Variants in PTPRN2 observed in about 807,000 individuals in gnomAD.
PTPRN2 encodes receptor-type tyrosine-protein phosphatase N2.
A neutral mutation model predicts 118.8 loss-of-function variants in PTPRN2; 74 were observed. The observed-to-expected ratio is 0.62, with a 90% CI of 0.52 to 0.76. The LOEUF (loss-of-function observed/expected upper bound fraction) is 0.76, where lower values mean the gene tolerates loss of function less well. PTPRN2 is among the 30% of genes least tolerant of loss of function. The pLI is 0.00. For synonymous variants in PTPRN2, 641 were observed against 608.0 expected, an observed-to-expected ratio of 1.05 and a Z score of -0.80; for missense variants, 1,481 against 1,394.4, an observed-to-expected ratio of 1.06 and a Z score of -0.99.
intron 3 of PTPRN2, among the ~76,000 whole-genome samples, chr7:158,261,656 C>T (rs1025788476): frequency 6.6e-6 from 1 of 152,112 alleles, no homozygotes; most frequent in African/African-American, 2.4e-5. Flanking sequence ...GCAGGGTGCA[C>T]TCCGGGACCG....
intron 14 of PTPRN2, among the ~76,000 whole-genome samples, chr7:157,653,724 G>T (rs2150731808): frequency 6.6e-6 from 1 of 152,184 alleles, no homozygotes; most frequent in African/African-American, 2.4e-5. Context: ...AATCAGAACT[G>T]CTGAGTGAGA....
chr7:157,549,160 G>T (rs1798470704), intron 21 of PTPRN2, 141 bp from the exon 22 acceptor site: 1 of 783,820 alleles, frequency 1.3e-6, no homozygotes, highest in African/African-American at 1.7e-5. Context: ...CGGCTGGCAG[G>T]CGGCTGCAAT....
chr7:157,950,552 C>T lies in PTPRN2; in HGVS notation c.1724-51815G>A, dbSNP rs567882386. ...CAGATATGTAATGGGTTATTTTTGT[C>T]GGTATTTGGGTGGTATTTTTGCTCT... On this transcript the variant is annotated intron_variant, in intron 11 of 22. Transcript: ENST00000389418. Among the ~76,000 whole-genome samples, 36 of 152,242 alleles carry T rather than the reference C, an allele frequency of 2.4e-4. No individual in the cohort carries two copies. The South Asian group carries it at 6.7e-3, about 28-fold the overall frequency.
rs1246045896 is a variant in PTPRN2 at position 158,360,060 on chromosome 7, G to A, written c.164-43128C>T. 1.2e-3 allele frequency among the ~76,000 whole-genome samples: 160 copies of A among 135,736 alleles called. 4 individuals carry two copies. The highest frequency in any genetic ancestry group is 4.2e-3 in the African/African-American group (141 of 33,622). 89.0% of individuals were successfully genotyped at this position (135,736 alleles called of 152,430 possible). On this transcript the variant is annotated intron_variant, in intron 2 of 22. Coordinates refer to ENST00000389418, the MANE Select transcript of PTPRN2 (RefSeq NM_002847.5). The stretch of plus-strand genomic sequence containing the variant: ...TCCCAAGTCCACCCACACCCAGGAC[G>A]ACGCACAGACCCCACATCCACCCTC...
chr7:157,980,182 C>T (rs1274857122), intron 11 of PTPRN2, among the ~76,000 whole-genome samples: 1 of 152,162 alleles, frequency 6.6e-6, no homozygotes, highest in East Asian at 1.9e-4. Context: ...CTCTGCAAAA[C>T]AGGAACTTGT....
rs1802298255 is a variant in PTPRN2, at chr7:157,611,028, C to T, written c.2345-6953G>A. 6.6e-6 allele frequency among the ~76,000 whole-genome samples: 1 copy of T among 152,188 alleles called. No homozygotes were observed. Among genetic ancestry groups the T allele is most frequent in the Admixed American group, 6.5e-5 (1 of 15,276 alleles). ...TCCAGAGATGGTCATGAAAATGAGA[C>T]CTGCCCCACCCACCACTCAGGAGGC... On this transcript the variant is annotated intron_variant, in intron 15 of 22. Transcript: ENST00000389418. The surrounding 1 kb of genome is among the most constrained non-coding windows in gnomAD (Gnocchi z 5.9).
At chr7:157,934,327 T>C (rs1335277518) in intron 11 of PTPRN2, among the ~76,000 whole-genome samples, 1 of 152,242 alleles carries the variant, frequency 6.6e-6, no homozygotes, top group African/African-American at 2.4e-5. Context: ...GATTTGACTT[T>C]AACATAAAGA....
chr7:157,937,909 G>T (rs75215981), intron 11 of PTPRN2, among the ~76,000 whole-genome samples: 12 of 149,380 alleles, frequency 8.0e-5, no homozygotes, highest in Non-Finnish European at 1.6e-4. Context: ...GGGAATCTTC[G>T]TGACTATGTG....
At chr7:157,742,855 GC>G (rs1418702288) in intron 12 of PTPRN2, among the ~76,000 whole-genome samples, 1 of 152,194 alleles carries the variant, frequency 6.6e-6, no homozygotes, top group Non-Finnish European at 1.5e-5. Flanking sequence ...AATACCTTTT[GC>G]TTGTAATTCC....
chr7:158,242,400 T>A (rs1183438232), intron 3 of PTPRN2, among the ~76,000 whole-genome samples: 2 of 152,216 alleles, frequency 1.3e-5, no homozygotes, highest in Admixed American at 6.5e-5. Context: ...CCTCTAAAGA[T>A]TGCAATCAGT....
chr7:158,169,612 T>C (rs1408983061), intron 5 of PTPRN2, among the ~76,000 whole-genome samples: 2 of 151,952 alleles, frequency 1.3e-5, no homozygotes, highest in African/African-American at 4.8e-5. Flanking sequence ...TCAGTTCTCA[T>C]ATATGAACTT....
intron 11 of PTPRN2, chr7:158,028,443 G>T (rs1333451847): frequency 6.6e-6 from 1 of 152,346 alleles, no homozygotes; most frequent in Non-Finnish European, 1.5e-5. Context: ...TAGGACAGAG[G>T]CCATTTCAGA....
At chr7:158,361,610 G>A (rs552990160) in intron 2 of PTPRN2, among the ~76,000 whole-genome samples, 3 of 152,164 alleles carry the variant, frequency 2.0e-5, no homozygotes, top group East Asian at 1.9e-4. Flanking sequence ...AGCCACAGAC[G>A]ATCTGGAGCC....
intron 11 of PTPRN2, among the ~76,000 whole-genome samples, chr7:158,048,985 CA>C (rs1300580267): frequency 7.8e-6 from 1 of 127,806 alleles, no homozygotes; most frequent in Non-Finnish European, 1.7e-5. Flanking sequence ...TCACTATCAT[CA>C]TCGTTATTAC....
intron 9 of PTPRN2, among the ~76,000 whole-genome samples, chr7:158,131,037 C>A (rs1010841839): frequency 8.6e-6 from 1 of 116,398 alleles, no homozygotes; most frequent in Admixed American, 9.9e-5. Flanking sequence ...CACACTTATA[C>A]ACACACGTAC....
chr7:157,710,223 C>T (rs971016579), intron 12 of PTPRN2, among the ~76,000 whole-genome samples: 9 of 152,164 alleles, frequency 5.9e-5, no homozygotes, highest in African/African-American at 7.2e-5. Context: ...TCCCCTTGGA[C>T]GAGGCTTTCT....
chr7:158,368,972 G>C (rs551026977), intron 2 of PTPRN2, among the ~76,000 whole-genome samples: 93 of 152,246 alleles, frequency 6.1e-4, no homozygotes, highest in African/African-American at 2.1e-3. Context: ...ATTCACATTT[G>C]GGTCAGTGGA....
At position 158,120,697 on chromosome 7, in the gene PTPRN2, C is replaced by T. The variant is rs1266981286; in HGVS notation, c.1557-9782G>A. 2.0e-5 allele frequency among the ~76,000 whole-genome samples: 3 copies of T among 152,150 alleles called. No homozygotes were observed. The East Asian group carries it at 5.8e-4, about 29-fold the overall frequency. On this transcript the variant is annotated intron_variant, in intron 9 of 22. Transcript: ENST00000389418. ...GGGGTCCCAGATGTCCTCTCTTTTC[C>T]TGTACATTTTGGATGTCTGCTCTAA...
chr7:158,058,560 C>A (rs1370461394), intron 11 of PTPRN2, among the ~76,000 whole-genome samples: 1 of 86,986 alleles, frequency 1.1e-5, no homozygotes, highest in African/African-American at 5.6e-5. Context: ...GACATCACTG[C>A]AGCCACACTC....
Sources: allele counts gnomAD v4.1 joint callset (sites outside exome capture counted in the v4.1 genomes callset), GRCh38; gene constraint gnomAD v4.1.1; non-coding constraint Gnocchi (gnomAD v3.1); transcripts MANE v1.5; gene names NCBI Gene and HGNC (gene_info 2026-07-23, HGNC 2026-07-21).